POU2F3: variants seen among roughly 807,000 people sequenced by gnomAD.
POU2F3 encodes POU class 2 homeobox 3.
In POU2F3, 23 loss-of-function variants were observed where a neutral mutation model predicts 59.2. The observed-to-expected ratio is 0.39, with a 90% CI of 0.28 to 0.55. The LOEUF (loss-of-function observed/expected upper bound fraction) is 0.55. Ranked by LOEUF, POU2F3 falls within the 20% of genes least tolerant of loss-of-function variation. The pLI, the probability that POU2F3 is intolerant of heterozygous loss-of-function variation, is 0.66. For missense variants in POU2F3, 473 were observed against 544.5 expected (o/e 0.87, Z 1.31); for synonymous variants, 190 against 214.6 (o/e 0.89, Z 1.00).
At chr11:120,236,771 GAGAGAGAAGGAATAAA>G, upstream of POU2F3, 20 of 1,386,392 alleles carry the variant, frequency 1.4e-5, no homozygotes, top group Non-Finnish European at 2.0e-5. Context: ...GAGCAAGTCT[GAGAGAGAAGGAATAAA>G]GATTGCTCAC....
At chr11:120,270,486 G>C (rs1226694584) in intron 3 of POU2F3, among the ~76,000 whole-genome samples, 1 of 152,200 alleles carries the variant, frequency 6.6e-6, no homozygotes, top group Non-Finnish European at 1.5e-5. Flanking sequence ...GTCTCTGAAG[G>C]ATGAGTAGGA....
chr11:120,245,810 C>T (rs1301918526), intron 1 of POU2F3, among the ~76,000 whole-genome samples: 13 of 152,108 alleles, frequency 8.5e-5, no homozygotes, highest in Admixed American at 8.5e-4. Flanking sequence ...CTCACTGAGC[C>T]AGTTGAAGGA....
intron 3 of POU2F3, among the ~76,000 whole-genome samples, chr11:120,289,564 C>T (rs779412743): frequency 2.6e-5 from 4 of 152,174 alleles, no homozygotes; most frequent in Non-Finnish European, 5.9e-5. Flanking sequence ...CCTGTCCTCT[C>T]CCTCCCCTAC....
At chr11:120,267,182 G>A (rs943575159) in intron 2 of POU2F3, among the ~76,000 whole-genome samples, 1 of 151,462 alleles carries the variant, frequency 6.6e-6, no homozygotes, top group Admixed American at 6.6e-5. Flanking sequence ...AGGCTGGAGT[G>A]CAGTCATGCG....
chr11:120,280,809 T>C (rs1376750210), intron 3 of POU2F3, among the ~76,000 whole-genome samples: 2 of 152,060 alleles, frequency 1.3e-5, no homozygotes, highest in African/African-American at 2.4e-5. Flanking sequence ...GCAGAGATGG[T>C]AGAGATAGTA....
intron 2 of POU2F3, chr11:120,256,277 T>TAA (rs1425646669): frequency 1.3e-5 from 2 of 152,200 alleles, no homozygotes; most frequent in Non-Finnish European, 2.9e-5. Context: ...TCTTCCTTTA[T>TAA]AAAACAGGAT....
chr11:120,314,225 A>C (rs1237037199), intron 10 of POU2F3, among the ~76,000 whole-genome samples: 1 of 152,258 alleles, frequency 6.6e-6, no homozygotes, highest in Non-Finnish European at 1.5e-5. Context: ...TTTCTGATTA[A>C]TGACGAAATA....
At chr11:120,308,847 G>C (rs1034681403) in intron 9 of POU2F3, among the ~76,000 whole-genome samples, 1 of 142,486 alleles carries the variant, frequency 7.0e-6, no homozygotes, top group East Asian at 2.2e-4. Flanking sequence ...CTGAAGCAGA[G>C]AGAATTGCTT....
chr11:120,243,880 T>C (rs1194429714), intron 1 of POU2F3, among the ~76,000 whole-genome samples: 1 of 152,164 alleles, frequency 6.6e-6, no homozygotes, highest in Non-Finnish European at 1.5e-5. Context: ...GTAGACAACA[T>C]GGCAGATGAG....
intron 3 of POU2F3, among the ~76,000 whole-genome samples, chr11:120,276,299 A>G (rs1591403456): frequency 2.0e-5 from 3 of 152,298 alleles, no homozygotes; most frequent in Non-Finnish European, 4.4e-5. Flanking sequence ...GTCCCTGCCC[A>G]CAGGAGCTCC....
At chr11:120,295,956 G>T (rs925658900) in intron 3 of POU2F3, among the ~76,000 whole-genome samples, 5 of 152,184 alleles carry the variant, frequency 3.3e-5, no homozygotes, top group African/African-American at 1.2e-4. Context: ...TGCAACCAGG[G>T]CTTCTTGGTG....
At chr11:120,296,932 C>T (rs557268295) in intron 3 of POU2F3, among the ~76,000 whole-genome samples, 6 of 151,860 alleles carry the variant, frequency 4.0e-5, no homozygotes, top group African/African-American at 7.3e-5. Flanking sequence ...CATTTTTTTC[C>T]GCAAGAATTA....
At chr11:120,240,895 C>G (rs1938636328) in intron 1 of POU2F3, among the ~76,000 whole-genome samples, 1 of 152,020 alleles carries the variant, frequency 6.6e-6, no homozygotes, top group Non-Finnish European at 1.5e-5. Flanking sequence ...GGGCCATGCC[C>G]CCATGTGTTT....
intron 3 of POU2F3, among the ~76,000 whole-genome samples, chr11:120,274,413 A>G (rs1444432922): frequency 1.3e-5 from 2 of 152,200 alleles, no homozygotes; most frequent in African/African-American, 4.8e-5. Context: ...AGGCATGGAG[A>G]GACCCAGCTT....
chr11:120,284,687 G>A (rs1940713071), intron 3 of POU2F3, among the ~76,000 whole-genome samples: 1 of 152,212 alleles, frequency 6.6e-6, no homozygotes, highest in Non-Finnish European at 1.5e-5. Context: ...CTGGCCATTT[G>A]AATGGAAACA....
upstream of POU2F3, among the ~76,000 whole-genome samples, chr11:120,236,959 G>T (rs756904019): frequency 1.3e-5 from 2 of 152,118 alleles, no homozygotes; most frequent in African/African-American, 2.4e-5. Flanking sequence ...TGGGCCTCAG[G>T]TCCCTCAAAT....
chr11:120,307,516 C>A lies in POU2F3; in HGVS notation c.807C>A (p.Ser269Arg), dbSNP rs1298465450. 1.2e-6 allele frequency: 2 copies of A among 1,614,202 alleles called. No homozygotes were observed. Among genetic ancestry groups the A allele is most frequent in the Admixed American group, 3.3e-5 (2 of 60,018 alleles). The change falls in exon 9 of 13, where the codon AGC (serine) becomes AGA (arginine). Residue 269 changes from serine to arginine, a missense_variant. By Grantham distance (110) the Ser-to-Arg change is moderately radical. Coordinates refer to ENST00000543440, the MANE Select transcript of POU2F3 (RefSeq NM_014352.4). ...SPSDPSVSTP[S>R]SYPSLSEVFG... ...CAGACCCCTCAGTGAGCACGCCCAG[C>A]TCCTACCCCAGCCTCAGTGAAGTAT...
chr11:120,300,000 A>G lies in POU2F3; in HGVS notation c.361+274A>G, dbSNP rs892088100. ...CGTGGTGAGTGGAGACGGAAGGTGCAGGCGTGGAGCAGAGCTATGCTGTAC... is the reference window on the plus strand; with the variant it reads ...CGTGGTGAGTGGAGACGGAAGGTGCGGGCGTGGAGCAGAGCTATGCTGTAC... On this transcript the variant is annotated intron_variant, in intron 5 of 12. Transcript: ENST00000543440. 1.1e-4 allele frequency among the ~76,000 whole-genome samples: 17 copies of G among 152,140 alleles called. 1 individual carries two copies. Among genetic ancestry groups the G allele is most frequent in the Non-Finnish European group, 4.4e-5 (3 of 68,018 alleles).
intron 3 of POU2F3, among the ~76,000 whole-genome samples, chr11:120,280,840 T>G (rs1940537044): frequency 6.6e-6 from 1 of 152,154 alleles, no homozygotes; most frequent in South Asian, 2.1e-4. Flanking sequence ...CAGGGAGGGT[T>G]GCCAGGTAAA....
Sources: allele counts gnomAD v4.1 joint callset (sites outside exome capture counted in the v4.1 genomes callset), GRCh38; gene constraint gnomAD v4.1.1; transcripts MANE v1.5; gene names NCBI Gene and HGNC (gene_info 2026-07-23, HGNC 2026-07-21).